The following IL11 variants were observed in gnomAD, a reference collection of about 807,000 sequenced individuals.
IL11 encodes interleukin 11.
Under a neutral mutation model 18.1 loss-of-function variants are expected in IL11, and 17 were observed. That is an observed-to-expected ratio of 0.94 (90% CI 0.64 to 1.41). IL11 has a LOEUF of 1.41. IL11 is among the 40% of genes most tolerant of loss of function. IL11 has a pLI of 0.00. For missense variants in IL11, 309 were observed against 262.8 expected (o/e 1.18, Z -1.22); for synonymous variants, 144 against 134.1 (o/e 1.07, Z -0.51).
rs2089810982 is a variant in IL11 at position 55,369,772 on chromosome 19, C to T, written c.7+532G>A. 6.6e-6 allele frequency among the ~76,000 whole-genome samples: 1 copy of T among 150,890 alleles called. No individual in the cohort carries two copies. Among genetic ancestry groups the T allele is most frequent in the South Asian group, 2.1e-4 (1 of 4,814 alleles). On this transcript the variant is annotated intron_variant, in intron 1 of 4. Coordinates refer to ENST00000264563, the MANE Select transcript of IL11 (RefSeq NM_000641.4). This position sits in a 1 kb window ranked among gnomAD's most constrained non-coding sequence, Gnocchi z 6.1. The stretch of plus-strand genomic sequence containing the variant: ...CCCCCAGCCCGCCCCCCGGGCCCGC[C>T]AGCCGTCGGTCTGTCCGCGCCTCCG...
In IL11 at chr19:55,366,798, C is replaced by T. The variant is rs4252555; in HGVS notation, c.430-621G>A. Among the ~76,000 whole-genome samples the T allele has an allele frequency of 0.3, 45,848 of 151,836 alleles. 7,124 individuals are homozygous for T. Among genetic ancestry groups the T allele is most frequent in the South Asian group, 0.44 (2,102 of 4,806 alleles). On this transcript the variant is annotated intron_variant, in intron 4 of 4. Coordinates refer to ENST00000264563, the MANE Select transcript of IL11 (RefSeq NM_000641.4). The surrounding 1 kb of genome is among the most constrained non-coding windows in gnomAD (Gnocchi z 4.6). ...TTGCACTCTAGCCTGGGCAACAGAG[C>T]GCGAGACTCTGTCTCCAAAAAATAA... is the stretch of plus-strand genomic sequence containing the variant.
chr19:55,365,649 G>T lies in IL11; in HGVS notation c.*358C>A. 3 of 230,710 alleles carry T rather than the reference G, an allele frequency of 1.3e-5. No homozygotes were observed. The highest frequency in any genetic ancestry group is 1.7e-5 in the Non-Finnish European group (2 of 119,172). The allele number at this position is 230,710 out of a possible 1,614,324, so 14.3% of individuals were successfully genotyped here. A position where few individuals can be genotyped will look rare whatever the true frequency, so the allele number is the denominator to read the frequency against. On this transcript the variant is annotated 3_prime_UTR_variant, in exon 5 of 5. Coordinates refer to ENST00000264563, the MANE Select transcript of IL11 (RefSeq NM_000641.4). ...AAACCCAGGCTTCCCTTTCCCCTCC[G>T]TCCCCACCCCAACATGAAAAGTAAT... is the stretch of plus-strand genomic sequence containing the variant.
At position 55,370,382 on chromosome 19, in the gene IL11, CTGCCGGGG is replaced by C. The variant is rs553507807; in HGVS notation, c.-80_-73del. On this transcript the variant is annotated 5_prime_UTR_variant, in exon 1 of 5. Transcript: ENST00000264563. ...GGGGCCTTTAACCCTTCCCTGTCCG[CTGCCGGGG>C]GAGCCCCGAGGGTCAGCTGGGCCGC... 465 of 1,311,940 alleles carry C rather than the reference CTGCCGGGG, an allele frequency of 3.5e-4. 4 individuals are homozygous for C. In the African/African-American group the frequency reaches 6.7e-3, roughly 19 times the overall value. 81.3% of individuals were successfully genotyped at this position (1,311,940 alleles called of 1,614,324 possible).
rs951527203 is a variant in IL11, at chr19:55,369,941, C to T, written c.7+363G>A. ...CCTCCGGAGCCTCTCTGCCGGAATC[C>T]CAGGGAGTCTCCCGGTCCCCGCGGG... On this transcript the variant is annotated intron_variant, in intron 1 of 4. Transcript: ENST00000264563. This position sits in a 1 kb window ranked among gnomAD's most constrained non-coding sequence, Gnocchi z 6.1. 2.0e-5 allele frequency among the ~76,000 whole-genome samples: 3 copies of T among 151,924 alleles called. No homozygotes were observed. The highest frequency in any genetic ancestry group is 7.2e-5 in the African/African-American group (3 of 41,386).
At position 55,369,745 on chromosome 19, in the gene IL11, C is replaced by T. The variant is rs1869546494; in HGVS notation, c.7+559G>A. 1.3e-5 allele frequency among the ~76,000 whole-genome samples: 2 copies of T among 149,538 alleles called. No individual in the cohort carries two copies. The highest frequency in any genetic ancestry group is 1.3e-4 in the Admixed American group (2 of 15,132). On this transcript the variant is annotated intron_variant, in intron 1 of 4. Transcript: ENST00000264563. This position sits in a 1 kb window ranked among gnomAD's most constrained non-coding sequence, Gnocchi z 6.1. ...GCTCCCCGGCCGCCCGCGCCTCGCA[C>T]ACCCCCAGCCCGCCCCCCGGGCCCG...
At position 55,366,210 on chromosome 19, in the gene IL11, A is replaced by AG; in HGVS notation, c.430-34dup. ...GAGAGGAGAGAGGTGAGTCACAGGT[A>AG]GGGGGTGCAGCGGGGGTGCAGGGCA... On this transcript the variant is annotated intron_variant, in intron 4 of 4. Coordinates refer to ENST00000264563, the MANE Select transcript of IL11 (RefSeq NM_000641.4). This position sits in a 1 kb window ranked among gnomAD's most constrained non-coding sequence, Gnocchi z 4.6. 6.9e-7 allele frequency: 1 copy of AG among 1,450,584 alleles called. No homozygotes were observed. Among genetic ancestry groups the AG allele is most frequent in the Non-Finnish European group, 9.1e-7 (1 of 1,102,036 alleles). The allele number at this position is 1,450,584 out of a possible 1,614,324, so 89.9% of individuals were successfully genotyped here.
chr19:55,368,573 G>T lies in IL11; in HGVS notation c.181-4C>A. 6.2e-7 allele frequency: 1 copy of T among 1,609,324 alleles called. No homozygotes were observed. Among genetic ancestry groups the T allele is most frequent in the Non-Finnish European group, 8.5e-7 (1 of 1,178,266 alleles). The stretch of plus-strand genomic sequence containing the variant: ...CGTCAGCTGGGAATTTGTCCCTCTG[G>T]CAGGGAAAAAAGCTGTGAGGTGGCC... On this transcript the variant is annotated splice_region_variant and splice_polypyrimidine_tract_variant and intron_variant, in intron 2 of 4. Transcript: ENST00000264563.
chr19:55,368,157 T>G, intron 4 of IL11, 53 bp downstream of exon 4: 1 of 1,443,360 alleles, frequency 6.9e-7, no homozygotes, highest in Non-Finnish European at 9.3e-7. Context: ...GCCACAGGAT[T>G]TTGGGGCCAG....
chr19:55,369,257 T>G lies in IL11; in HGVS notation c.8-316A>C. On this transcript the variant is annotated intron_variant, in intron 1 of 4. Coordinates refer to ENST00000264563, the MANE Select transcript of IL11 (RefSeq NM_000641.4). This position sits in a 1 kb window ranked among gnomAD's most constrained non-coding sequence, Gnocchi z 6.1. ...CCAGGCGGGCTTCCCTCTCCCTCCC[T>G]GGCTCTGGCTGCCCCGCCCGTCGGA... 4.7e-6 allele frequency: 1 copy of G among 212,630 alleles called. No individual in the cohort carries two copies. The highest frequency in any genetic ancestry group is 9.3e-6 in the Non-Finnish European group (1 of 107,024). 13.2% of individuals were successfully genotyped at this position (212,630 alleles called of 1,614,324 possible).
chr19:55,365,928 C>T lies in IL11; in HGVS notation c.*79G>A. The T allele has an allele frequency of 6.5e-7, 1 of 1,540,948 alleles. No homozygotes were observed. The highest frequency in any genetic ancestry group is 8.7e-7 in the Non-Finnish European group (1 of 1,143,466). ...AGATAATGGCGGGGGGATCACCTGG[C>T]TGTTTCGCCCCCAGTACTGAAATAA... On this transcript the variant is annotated 3_prime_UTR_variant, in exon 5 of 5. Coordinates refer to ENST00000264563, the MANE Select transcript of IL11 (RefSeq NM_000641.4).
rs2089803952 is a variant in IL11 at position 55,368,954 on chromosome 19, T to G, written c.8-13A>C. 2.0e-6 allele frequency: 3 copies of G among 1,486,768 alleles called. No homozygotes were observed. The allele number at this position is 1,486,768 out of a possible 1,614,324, so 92.1% of individuals were successfully genotyped here. A position where few individuals can be genotyped will look rare whatever the true frequency, so the allele number is the denominator to read the frequency against. On this transcript the variant is annotated splice_polypyrimidine_tract_variant and intron_variant, in intron 1 of 4. Coordinates refer to ENST00000264563, the MANE Select transcript of IL11 (RefSeq NM_000641.4). Reference sequence around the variant, plus strand: ...AGGCGGCAAACACCTGGGGGCAGGATAAGGCAGAGAGCTCAGGCTGGACTC... The same window carrying G: ...AGGCGGCAAACACCTGGGGGCAGGAGAAGGCAGAGAGCTCAGGCTGGACTC...
rs374283886 is a variant in IL11 at position 55,369,617 on chromosome 19, GGCGGGGGGCGCGGGGGGC to G, written c.7+669_8-677del. 0.23 allele frequency among the ~76,000 whole-genome samples: 32,596 copies of G among 143,746 alleles called. 6,313 individuals are homozygous for G. Among genetic ancestry groups the G allele is most frequent in the African/African-American group, 0.52 (19,993 of 38,226 alleles). The allele number at this position is 143,746 out of a possible 152,430, so 94.3% of individuals were successfully genotyped here. On this transcript the variant is annotated intron_variant, in intron 1 of 4. Transcript: ENST00000264563. The surrounding 1 kb of genome is among the most constrained non-coding windows in gnomAD (Gnocchi z 6.1). ...GGGCCGCGGGAGCGGGAGAGCTGGC[GGCGGGGGGCGCGGGGGGC>G]GCGGGGGGCGCGGGGGTCCGGAGCT...
Position 55,368,496 on chromosome 19 carries a change from A to T in IL11, c.254T>A (p.Leu85Gln). ...LPTLAMSAGALGALQLPGVLT... is the reference protein window; with the variant it reads ...LPTLAMSAGAQGALQLPGVLT... Reference sequence around the variant, plus strand: ...CCTTGCCCTTACCTGTAGAGCTCCCAGTGCCCCCGCACTCATGGCCAGGGT... The same window carrying T: ...CCTTGCCCTTACCTGTAGAGCTCCCTGTGCCCCCGCACTCATGGCCAGGGT... Residue 85 changes from leucine to glutamine, a missense_variant, in exon 3 of 5, where the codon CTG becomes CAG. Leu to Gln is a moderately radical substitution (Grantham distance 113). Transcript: ENST00000264563. The T allele has an allele frequency of 6.2e-7, 1 of 1,610,716 alleles. No individual in the cohort carries two copies. The highest frequency in any genetic ancestry group is 1.3e-5 in the African/African-American group (1 of 74,578).
chr19:55,368,198 G>A lies in IL11; in HGVS notation c.429+12C>T, dbSNP rs1409377958. 6.6e-7 allele frequency: 1 copy of A among 1,524,472 alleles called. No individual in the cohort carries two copies. The highest frequency in any genetic ancestry group is 1.4e-5 in the African/African-American group (1 of 72,526). 94.4% of individuals were successfully genotyped at this position (1,524,472 alleles called of 1,614,324 possible). On this transcript the variant is annotated intron_variant, in intron 4 of 4. Coordinates refer to ENST00000264563, the MANE Select transcript of IL11 (RefSeq NM_000641.4). ...GGGGTCTGGGGTGTCAGGTCTTGGG[G>A]CCAGGACATACCAGGAGCTGCAGCC... is the stretch of plus-strand genomic sequence containing the variant.
Position 55,366,079 on chromosome 19 carries a change from G to A in IL11, c.528C>T (p.Ala176=). ...GTGTCAGGTGCAGCCCCCCCAGGAT[G>A]GCGTGGGCGGCCCTGATGCCCCCCC... ...SAWGGIRAAH[A]ILGGLHLTLD... The change falls in exon 5 of 5, where the codon GCC becomes GCT. Residue 176 remains alanine, a synonymous_variant. Transcript: ENST00000264563. The surrounding 1 kb of genome is among the most constrained non-coding windows in gnomAD (Gnocchi z 4.6). 2 of 1,591,482 alleles carry A rather than the reference G, an allele frequency of 1.3e-6. No individual in the cohort carries two copies. The highest frequency in any genetic ancestry group is 1.1e-5 in the South Asian group (1 of 87,590).
rs1425260256 is a variant in IL11 at position 55,370,452 on chromosome 19, G to A, written c.-142C>T. 1 of 450,174 alleles carries A rather than the reference G, an allele frequency of 2.2e-6. No individual in the cohort carries two copies. Among genetic ancestry groups the A allele is most frequent in the Non-Finnish European group, 3.9e-6 (1 of 258,648 alleles). The allele number at this position is 450,174 out of a possible 1,614,324, so 27.9% of individuals were successfully genotyped here. The stretch of plus-strand genomic sequence containing the variant: ...GGGAGGCATGTGCCCTGAGCAGCAG[G>A]GCCGCGGCAGTGAGGGAGTGTGGAC... On this transcript the variant is annotated 5_prime_UTR_variant, in exon 1 of 5. Transcript: ENST00000264563.
rs749940091 is a variant in IL11, at chr19:55,366,100, C to T, written c.507G>A (p.Gly169=). Residue 169 remains glycine, a synonymous_variant, in exon 5 of 5, where the codon GGG becomes GGA. Transcript: ENST00000264563. This position sits in a 1 kb window ranked among gnomAD's most constrained non-coding sequence, Gnocchi z 4.6. ...PPLAPPSSAW[G]GIRAAHAILG... ...GGATGGCGTGGGCGGCCCTGATGCCCCCCCAGGCTGAGGAGGGGGGCGCCA... is the reference window on the plus strand; with the variant it reads ...GGATGGCGTGGGCGGCCCTGATGCCTCCCCAGGCTGAGGAGGGGGGCGCCA... The T allele has an allele frequency of 6.4e-7, 1 of 1,573,180 alleles. No individual in the cohort carries two copies. Among genetic ancestry groups the T allele is most frequent in the Non-Finnish European group, 8.6e-7 (1 of 1,161,140 alleles).
rs2089815452 is a variant in IL11 at position 55,370,367 on chromosome 19, A to C, written c.-57T>G. 7 of 1,357,420 alleles carry C rather than the reference A, an allele frequency of 5.2e-6. No individual in the cohort carries two copies. In the South Asian group the frequency reaches 8.8e-5, roughly 17 times the overall value. 84.1% of individuals were successfully genotyped at this position (1,357,420 alleles called of 1,614,324 possible). ...GGGGGCAGGGAGCCGGGGGCCTTTAACCCTTCCCTGTCCGCTGCCGGGGGA... is the reference window on the plus strand; with the variant it reads ...GGGGGCAGGGAGCCGGGGGCCTTTACCCCTTCCCTGTCCGCTGCCGGGGGA... On this transcript the variant is annotated 5_prime_UTR_variant, in exon 1 of 5. Coordinates refer to ENST00000264563, the MANE Select transcript of IL11 (RefSeq NM_000641.4).
Position 55,370,462 on chromosome 19 carries a change from G to T in IL11, c.-152C>A. 1 of 343,998 alleles carries T rather than the reference G, an allele frequency of 2.9e-6. No individual in the cohort carries two copies. Among genetic ancestry groups the T allele is most frequent in the Non-Finnish European group, 5.5e-6 (1 of 181,822 alleles). 21.3% of individuals were successfully genotyped at this position (343,998 alleles called of 1,614,324 possible). On this transcript the variant is annotated 5_prime_UTR_variant, in exon 1 of 5. It adds an upstream start codon to the 5' untranslated region. Transcript: ENST00000264563. The stretch of plus-strand genomic sequence containing the variant: ...TGCCCTGAGCAGCAGGGCCGCGGCA[G>T]TGAGGGAGTGTGGACGCCTGGGGGG...
Sources: allele counts gnomAD v4.1 joint callset (sites outside exome capture counted in the v4.1 genomes callset), GRCh38; gene constraint gnomAD v4.1.1; non-coding constraint Gnocchi (gnomAD v3.1); transcripts MANE v1.5; gene names NCBI Gene and HGNC (gene_info 2026-07-23, HGNC 2026-07-21).